PP2D1: variants seen among roughly 807,000 people sequenced by gnomAD.
PP2D1 encodes the protein protein phosphatase 2C like domain containing 1.
A neutral mutation model predicts 30.2 loss-of-function variants in PP2D1; 25 were observed. That is an observed-to-expected ratio of 0.83 (90% CI 0.60 to 1.16). The LOEUF (loss-of-function observed/expected upper bound fraction) is 1.16. Among genes scored for constraint, PP2D1 ranks in the 50% most tolerant of loss-of-function variants. PP2D1 has a pLI of 0.00. For missense variants in PP2D1, 760 were observed against 742.4 expected (o/e 1.02, Z -0.28); for synonymous variants, 260 against 258.9 (o/e 1.00, Z -0.04).
intron 1 of PP2D1, among the ~76,000 whole-genome samples, chr3:20,011,608 G>A (rs1487871059): frequency 6.6e-6 from 1 of 152,058 alleles, no homozygotes; most frequent in African/African-American, 2.4e-5. Context: ...AGACCAGCCT[G>A]GCCAACATAG....
intron 2 of PP2D1, among the ~76,000 whole-genome samples, chr3:19,998,101 G>C (rs945473818): frequency 6.6e-6 from 1 of 152,146 alleles, no homozygotes; most frequent in Non-Finnish European, 1.5e-5. Context: ...AGGCAGAGGA[G>C]GGTGGGTCAC....
At chr3:19,989,641 G>T (rs1697090412) in intron 2 of PP2D1, among the ~76,000 whole-genome samples, 1 of 152,186 alleles carries the variant, frequency 6.6e-6, no homozygotes, top group Non-Finnish European at 1.5e-5. Context: ...AAGACAACAT[G>T]AAGTGGCACT....
rs1190885381 is a variant in PP2D1, at chr3:19,985,674, A to G, written c.1599T>C (p.Asn533=). 8 of 1,535,830 alleles carry G rather than the reference A, an allele frequency of 5.2e-6. No individual in the cohort carries two copies. Among genetic ancestry groups the G allele is most frequent in the Non-Finnish European group, 7.0e-6 (8 of 1,146,768 alleles). Residue 533 remains asparagine, a synonymous_variant, in exon 3 of 3, where the codon AAT becomes AAC. Coordinates refer to ENST00000389050, the MANE Select transcript of PP2D1 (RefSeq NM_001252657.2). Reference sequence around the variant, plus strand: ...ATTTAGAATAGTTTGAATCGGATAAATTTTCTTTGGAATTTGTAGTTGACA... The same window carrying G: ...ATTTAGAATAGTTTGAATCGGATAAGTTTTCTTTGGAATTTGTAGTTGACA... The part of the protein sequence containing the change: ...VRVSTTNSKE[N]LSDSNYSKYC...
downstream of PP2D1, among the ~76,000 whole-genome samples, chr3:19,980,915 A>G (rs866077168): frequency 6.6e-6 from 1 of 152,216 alleles, no homozygotes; most frequent in Non-Finnish European, 1.5e-5. Context: ...ATGCTGATGT[A>G]GAATGGAATG....
At chr3:20,004,386 T>G (rs1697292974) in intron 1 of PP2D1, among the ~76,000 whole-genome samples, 1 of 152,196 alleles carries the variant, frequency 6.6e-6, no homozygotes, top group African/African-American at 2.4e-5. Flanking sequence ...AATGCACTTC[T>G]CAGAAAGTAT....
downstream of PP2D1, chr3:19,983,908 T>C (rs1696981798): frequency 6.1e-5 from 54 of 884,768 alleles, no homozygotes; most frequent in South Asian, 8.4e-4. Context: ...CAGCCCAGTA[T>C]GACTTCCAAA....
chr3:20,005,592 C>T (rs1481917532), intron 1 of PP2D1, among the ~76,000 whole-genome samples: 1 of 152,030 alleles, frequency 6.6e-6, no homozygotes, highest in African/African-American at 2.4e-5. Flanking sequence ...TACTTGGAGC[C>T]TCTAAGTACT....
intron 2 of PP2D1, among the ~76,000 whole-genome samples, chr3:19,994,056 A>AAG: frequency 6.6e-6 from 1 of 151,440 alleles, no homozygotes; most frequent in African/African-American, 2.4e-5. Context: ...AAAAAAAAAA[A>AAG]TCACAGGTTT....
intron 2 of PP2D1, among the ~76,000 whole-genome samples, chr3:19,993,812 T>C (rs1334763324): frequency 6.6e-6 from 1 of 152,106 alleles, no homozygotes; most frequent in Non-Finnish European, 1.5e-5. Flanking sequence ...CGATCTCAGC[T>C]CACTGCAACC....
intron 2 of PP2D1, 42 bp downstream of exon 2, chr3:20,000,988 A>G: frequency 8.4e-7 from 1 of 1,190,680 alleles, no homozygotes. Flanking sequence ...GCAAGGAACC[A>G]AAAACATAAA....
At chr3:19,986,506 T>G (rs1292247850) in intron 2 of PP2D1, among the ~76,000 whole-genome samples, 1 of 152,236 alleles carries the variant, frequency 6.6e-6, no homozygotes, top group African/African-American at 2.4e-5. Flanking sequence ...TGCAGAGTCA[T>G]GAGTTGAACT....
Position 20,012,143 on chromosome 3 carries a change from G to A in PP2D1, c.-71C>T. 7.9e-6 allele frequency: 10 copies of A among 1,264,000 alleles called. No homozygotes were observed. Among genetic ancestry groups the A allele is most frequent in the Non-Finnish European group, 9.9e-6 (9 of 907,440 alleles). 78.3% of individuals were successfully genotyped at this position (1,264,000 alleles called of 1,614,324 possible). On this transcript the variant is annotated 5_prime_UTR_variant, in exon 1 of 3. Coordinates refer to ENST00000389050, the MANE Select transcript of PP2D1 (RefSeq NM_001252657.2). ...CCTGGCCTCTATTTCTCCAACTTGA[G>A]TAGTGATGGTGATGGTGGAGGTAGA...
intron 2 of PP2D1, chr3:19,996,937 A>C (rs549951491): frequency 1.3e-5 from 2 of 152,158 alleles, no homozygotes; most frequent in African/African-American, 4.8e-5. Flanking sequence ...TAAATATGAC[A>C]CATTACCAAC....
intron 1 of PP2D1, 92 bp from the exon 2 acceptor site, chr3:20,002,188 C>T (rs1697265262): frequency 2.6e-6 from 2 of 762,198 alleles, no homozygotes; most frequent in Admixed American, 5.6e-5. Flanking sequence ...GATTTGGCTC[C>T]TCACAATCTT....
At chr3:19,996,815 A>G (rs1476226169) in intron 2 of PP2D1, 2 of 152,166 alleles carry the variant, frequency 1.3e-5, no homozygotes, top group Non-Finnish European at 2.9e-5. Context: ...CTTTGTGCAG[A>G]GGCAGTATCA....
rs1024282050 is a variant in PP2D1 at position 19,985,418 on chromosome 3, T to C, written c.1855A>G (p.Ile619Val). The C allele has an allele frequency of 1.3e-6, 2 of 1,534,662 alleles. No individual in the cohort carries two copies. Among genetic ancestry groups the C allele is most frequent in the African/African-American group, 1.4e-5 (1 of 72,968 alleles). The change falls in exon 3 of 3, where the codon ATA (isoleucine) becomes GTA (valine). Residue 619 changes from isoleucine to valine, a missense_variant. By Grantham distance (29) the Ile-to-Val change is conservative. This residue lies in a region of PP2D1 where 369 missense variants were observed against 316.2 expected (regional missense o/e 1.17). Coordinates refer to ENST00000389050, the MANE Select transcript of PP2D1 (RefSeq NM_001252657.2). ...GSRDNITVMV[I>V]FLNGSEYQLL... ...TGATATTCACTTCCATTGAGAAATA[T>C]TACCATAACTGTAATGTTGTCTCTG... is the stretch of plus-strand genomic sequence containing the variant.
In PP2D1 at chr3:19,985,744, T is replaced by C. The variant is rs1697021773; in HGVS notation, c.1529A>G (p.Asn510Ser). The C allele has an allele frequency of 6.5e-7, 1 of 1,535,958 alleles. No individual in the cohort carries two copies. Among genetic ancestry groups the C allele is most frequent in the Admixed American group, 2.0e-5 (1 of 50,988 alleles). ...SEPNLTKSQS[N>S]IHVLFQYKSV... ...TTTATACTGAAACAATACGTGGATA[T>C]TACTCTGTGATTTAGTAAGGTTTGG... Residue 510 changes from asparagine to serine, a missense_variant, in exon 3 of 3, where the codon AAT becomes AGT. This residue lies in a region of PP2D1 where 369 missense variants were observed against 316.2 expected (regional missense o/e 1.17). Transcript: ENST00000389050.
At chr3:19,998,714 AT>A (rs1014147460) in intron 2 of PP2D1, among the ~76,000 whole-genome samples, 13 of 152,206 alleles carry the variant, frequency 8.5e-5, no homozygotes, top group African/African-American at 2.6e-4. Context: ...TAAGGTAATA[AT>A]TTTTTTTAAA....
chr3:19,985,698 C>CA lies in PP2D1; in HGVS notation c.1574dup (p.Ser526ValfsTer16). 1.3e-6 allele frequency: 2 copies of CA among 1,535,740 alleles called. No individual in the cohort carries two copies. The highest frequency in any genetic ancestry group is 1.2e-5 in the South Asian group (1 of 84,050). ...AATTTTCTTTGGAATTTGTAGTTGA[C>CA]ACACGTACTTCAGATACAGATTTAT... On this transcript the variant is annotated frameshift_variant, in exon 3 of 3. Coordinates refer to ENST00000389050, the MANE Select transcript of PP2D1 (RefSeq NM_001252657.2). LOFTEE classifies it low-confidence loss of function (END_TRUNC).
Sources: allele counts gnomAD v4.1 joint callset (sites outside exome capture counted in the v4.1 genomes callset), GRCh38; gene constraint gnomAD v4.1.1; regional missense constraint gnomAD v4.1.1; transcripts MANE v1.5; gene names NCBI Gene and HGNC (gene_info 2026-07-23, HGNC 2026-07-21).